CALB2: variants seen among roughly 807,000 people sequenced by gnomAD.
CALB2 encodes calbindin 2, also known as calretinin.
CALB2 carries 34 observed loss-of-function variants against 45.9 expected under a neutral mutation model. The observed-to-expected ratio is 0.74, with a 90% confidence interval of 0.56 to 0.99. The LOEUF is 0.99. Ranked by LOEUF, CALB2 falls within the 50% of genes least tolerant of loss-of-function variation. The probability of loss-of-function intolerance (pLI) is 0.00; values close to 1 mark genes in which losing one functional copy is unlikely to be tolerated. For missense variants in CALB2, 344 were observed against 339.3 expected, an observed-to-expected ratio of 1.01 and a Z score of -0.11; for synonymous variants, 142 against 129.6, an observed-to-expected ratio of 1.10 and a Z score of -0.65.
chr16:71,377,818 A>G, intron 4 of CALB2, 71 bp downstream of exon 4: 2 of 1,085,646 alleles, frequency 1.8e-6, no homozygotes, highest in Non-Finnish European at 2.8e-6. Flanking sequence ...AGCCAGGCCC[A>G]CCCTCCTGCC....
chr16:71,366,935 C>A (rs538667074), intron 1 of CALB2, among the ~76,000 whole-genome samples: 1 of 152,056 alleles, frequency 6.6e-6, no homozygotes, highest in South Asian at 2.1e-4. Context: ...ATAGAGCAGG[C>A]GGTAGAATTA....
chr16:71,381,409 CA>C (rs72039915), intron 4 of CALB2, among the ~76,000 whole-genome samples: 56,950 of 134,464 alleles, frequency 0.42, 10,822 homozygotes, highest in Admixed American at 0.53. Flanking sequence ...TGTCTTGTGA[CA>C]AAAAAAAAAA....
chr16:71,384,137 T>G, intron 7 of CALB2, 112 bp downstream of exon 7: 1 of 1,251,842 alleles, frequency 8.0e-7, no homozygotes, highest in Non-Finnish European at 1.2e-6. Context: ...GTCAAGAAGC[T>G]CAAGACAAAG....
intron 6 of CALB2, 118 bp downstream of exon 6, chr16:71,383,562 C>G (rs970111016): frequency 2.2e-6 from 2 of 900,204 alleles, no homozygotes; most frequent in Non-Finnish European, 3.4e-6. Flanking sequence ...GGAAGTGATT[C>G]ACAGTGGCAG....
At chr16:71,380,137 G>T (rs113535835) in intron 4 of CALB2, among the ~76,000 whole-genome samples, 6 of 151,892 alleles carry the variant, frequency 4.0e-5, no homozygotes, top group Non-Finnish European at 7.4e-5. Flanking sequence ...CTGGAAACAG[G>T]GATGGTGGCA....
At chr16:71,379,787 C>T (rs1484648466) in intron 4 of CALB2, among the ~76,000 whole-genome samples, 2 of 127,338 alleles carry the variant, frequency 1.6e-5, no homozygotes, top group Non-Finnish European at 3.8e-5. Context: ...CCTGGGCAGA[C>T]AGTCAGTGAG....
chr16:71,387,442 T>G (rs150719315), intron 10 of CALB2, among the ~76,000 whole-genome samples: 2 of 151,060 alleles, frequency 1.3e-5, no homozygotes, highest in Non-Finnish European at 2.9e-5. Flanking sequence ...TCACAGCACC[T>G]GTGCTGGAAC....
chr16:71,383,635 A>C (rs961414215), intron 6 of CALB2, among the ~76,000 whole-genome samples, 191 bp downstream of exon 6: 3 of 152,004 alleles, frequency 2.0e-5, no homozygotes, highest in Non-Finnish European at 2.9e-5. Context: ...GTGTGAGCTG[A>C]CTCGTGGGCC....
intron 9 of CALB2, chr16:71,385,365 A>G (rs1555527072): frequency 4.2e-6 from 2 of 479,994 alleles, no homozygotes; most frequent in Non-Finnish European, 3.7e-6. Flanking sequence ...AAGCACCACA[A>G]TGAAAGGCTA....
At chr16:71,363,167 A>G (rs1301506587) in intron 1 of CALB2, among the ~76,000 whole-genome samples, 3 of 152,272 alleles carry the variant, frequency 2.0e-5, no homozygotes, top group Non-Finnish European at 4.4e-5. Flanking sequence ...CCTGGGCAAC[A>G]GAGCCAGACC....
At chr16:71,384,164 C>T in intron 7 of CALB2, 139 bp downstream of exon 7, 1 of 1,045,132 alleles carries the variant, frequency 9.6e-7, no homozygotes, top group Non-Finnish European at 1.5e-6. Flanking sequence ...AGAATTGTGA[C>T]CGTCAACACC....
intron 3 of CALB2, among the ~76,000 whole-genome samples, chr16:71,376,762 CAT>C (rs2042421198): frequency 6.6e-6 from 1 of 151,836 alleles, no homozygotes; most frequent in African/African-American, 2.4e-5. Flanking sequence ...CATACAACCA[CAT>C]ATATCTACAT....
intron 2 of CALB2, 86 bp from the exon 3 acceptor site, chr16:71,374,659 G>A: frequency 1.1e-6 from 1 of 893,588 alleles, no homozygotes; most frequent in Non-Finnish European, 1.9e-6. Context: ...TACCCAGGAT[G>A]CAAATGATTT....
chr16:71,370,569 T>A (rs189738465), intron 1 of CALB2, among the ~76,000 whole-genome samples: 1 of 152,136 alleles, frequency 6.6e-6, no homozygotes, highest in African/African-American at 2.4e-5. Context: ...ATCCATATTT[T>A]TTTTAAGATC....
intron 1 of CALB2, among the ~76,000 whole-genome samples, chr16:71,370,495 A>C (rs1482330519): frequency 6.6e-6 from 1 of 151,756 alleles, no homozygotes; most frequent in Non-Finnish European, 1.5e-5. Context: ...AAAAAAAAAA[A>C]TCATGGTGCT....
rs765330463 is a variant in CALB2 at position 71,377,725 on chromosome 16, G to A, written c.320G>A (p.Gly107Asp). ...NFLLCFRQHV[G>D]SSAEFMEAWR... ...CTTCTGTGCTTCAGGCAGCACGTGGGCTCCAGCGCCGAGTTTATGGAGGTG... is the reference window on the plus strand; with the variant it reads ...CTTCTGTGCTTCAGGCAGCACGTGGACTCCAGCGCCGAGTTTATGGAGGTG... The change falls in exon 4 of 11, where the codon GGC becomes GAC. Residue 107 changes from glycine to aspartate, a missense_variant. This residue lies in a region of CALB2 where 263 missense variants were observed against 241.7 expected (regional missense o/e 1.09). Coordinates refer to ENST00000302628, the MANE Select transcript of CALB2 (RefSeq NM_001740.5). 6.2e-7 allele frequency: 1 copy of A among 1,613,996 alleles called. No homozygotes were observed. Among genetic ancestry groups the A allele is most frequent in the Admixed American group, 1.7e-5 (1 of 60,030 alleles).
chr16:71,386,846 TATC>T (rs1391141958), intron 10 of CALB2, among the ~76,000 whole-genome samples: 1 of 152,224 alleles, frequency 6.6e-6, no homozygotes, highest in Non-Finnish European at 1.5e-5. Context: ...TTATCTTAAA[TATC>T]ATCCTTCATT....
At chr16:71,365,753 G>A (rs1487732322) in intron 1 of CALB2, among the ~76,000 whole-genome samples, 2 of 152,040 alleles carry the variant, frequency 1.3e-5, no homozygotes, top group Non-Finnish European at 2.9e-5. Context: ...ACTTTAATAA[G>A]TGGAGATTAT....
At chr16:71,373,703 G>T (rs573411748) in intron 2 of CALB2, among the ~76,000 whole-genome samples, 1 of 152,270 alleles carries the variant, frequency 6.6e-6, no homozygotes, top group South Asian at 2.1e-4. Flanking sequence ...GCCCTCTAGA[G>T]AAGTCATCTC....
Sources: allele counts gnomAD v4.1 joint callset (sites outside exome capture counted in the v4.1 genomes callset), GRCh38; gene constraint gnomAD v4.1.1; regional missense constraint gnomAD v4.1.1; transcripts MANE v1.5; gene names NCBI Gene and HGNC (gene_info 2026-07-23, HGNC 2026-07-21).